The following GPSM1 variants were observed in gnomAD, a reference collection of about 807,000 sequenced individuals.
GPSM1 encodes the protein G protein signaling modulator 1, also known as G protein-signaling modulator 1.
In GPSM1, 48 loss-of-function variants were observed where a neutral mutation model predicts 70.5. That is an observed-to-expected ratio of 0.68 (90% CI 0.54 to 0.87). The LOEUF (loss-of-function observed/expected upper bound fraction) is 0.87, where lower values mean the gene tolerates loss of function less well. Ranked by LOEUF, GPSM1 falls within the 40% of genes least tolerant of loss-of-function variation. GPSM1 has a pLI of 0.00. For synonymous variants in GPSM1, 416 were observed against 430.1 expected, an observed-to-expected ratio of 0.97 and a Z score of 0.41; for missense variants, 981 against 972.6, an observed-to-expected ratio of 1.01 and a Z score of -0.11.
intron 9 of GPSM1, among the ~76,000 whole-genome samples, chr9:136,345,691 G>A (rs1832506326): frequency 6.6e-6 from 1 of 152,220 alleles, no homozygotes; most frequent in Non-Finnish European, 1.5e-5. Flanking sequence ...CAGGCCCTCA[G>A]GCAGTGCACA....
In GPSM1 at chr9:136,327,749, G is replaced by A. The variant is rs1229097895; in HGVS notation, c.54G>A (p.Arg18=). Reference sequence around the variant, plus strand: ...ACGAGCTCCCGGGCCCGGCCGCCAGGCGCCTCTACTCCAGGTAGGACGGGC... The same window carrying A: ...ACGAGCTCCCGGGCCCGGCCGCCAGACGCCTCTACTCCAGGTAGGACGGGC... ...AADELPGPAA[R]RLYSRMEASC... Residue 18 remains arginine, a synonymous_variant, in exon 1 of 14, where the codon AGG becomes AGA. Transcript: ENST00000440944. 1 of 1,192,094 alleles carries A rather than the reference G, an allele frequency of 8.4e-7. No homozygotes were observed. Among genetic ancestry groups the A allele is most frequent in the Non-Finnish European group, 1.0e-6 (1 of 961,802 alleles). 73.8% of individuals were successfully genotyped at this position (1,192,094 alleles called of 1,614,324 possible).
At position 136,329,649 on chromosome 9, in the gene GPSM1, A is replaced by G. The variant is rs182002187; in HGVS notation, c.68+1886A>G. Among the ~76,000 whole-genome samples, 183 of 152,286 alleles carry G rather than the reference A, an allele frequency of 1.2e-3. 2 individuals carry two copies. The highest frequency in any genetic ancestry group is 8.6e-3 in the Admixed American group (132 of 15,304). On this transcript the variant is annotated intron_variant, in intron 1 of 13. Coordinates refer to ENST00000440944, the MANE Select transcript of GPSM1 (RefSeq NM_001145638.3). ...GCCCAAGGTCTCCTCTGCCCCGTCT[A>G]CTGCCTTCCCACACTGACATTCCTT...
Position 136,340,220 on chromosome 9 carries a change from G to A in GPSM1, c.1083+405G>A, listed in dbSNP as rs1332720401. Among the ~76,000 whole-genome samples, 15 of 152,268 alleles carry A rather than the reference G, an allele frequency of 9.9e-5. 1 individual carries two copies. In the South Asian group the frequency reaches 1.0e-3, roughly 11 times the overall value. On this transcript the variant is annotated intron_variant, in intron 8 of 13. Coordinates refer to ENST00000440944, the MANE Select transcript of GPSM1 (RefSeq NM_001145638.3). The surrounding 1 kb of genome is among the most constrained non-coding windows in gnomAD (Gnocchi z 7.3). ...CCCCGAGCCTGTTCATGCTAAAGAC[G>A]GTGCCAGCCCCTACTGACCACCATA...
intron 13 of GPSM1, among the ~76,000 whole-genome samples, chr9:136,357,350 C>G (rs965267350): frequency 6.6e-6 from 1 of 152,204 alleles, no homozygotes; most frequent in Non-Finnish European, 1.5e-5. Flanking sequence ...AACCTCGGCC[C>G]GGGGCCAGGC....
chr9:136,328,586 C>T (rs1046443962), intron 1 of GPSM1, among the ~76,000 whole-genome samples: 7 of 152,196 alleles, frequency 4.6e-5, no homozygotes, highest in African/African-American at 9.6e-5. Context: ...CAGCTGATCC[C>T]GGGGGGCGCC....
In GPSM1 at chr9:136,349,492, T is replaced by C. The variant is rs1832604192; in HGVS notation, c.1279-95T>C. 6 of 1,149,022 alleles carry C rather than the reference T, an allele frequency of 5.2e-6. No homozygotes were observed. The Admixed American group carries it at 1.3e-4, about 24-fold the overall frequency. 71.2% of individuals were successfully genotyped at this position (1,149,022 alleles called of 1,614,324 possible). On this transcript the variant is annotated intron_variant, in intron 10 of 13. Coordinates refer to ENST00000440944, the MANE Select transcript of GPSM1 (RefSeq NM_001145638.3). ...ACTGGGCACCTACGGCGTGCATCCA[T>C]GAAATGGAGGCGGCCTGGCCTTCCC...
rs1188330712 is a variant in GPSM1, at chr9:136,327,772, G to GGCCGGT, written c.68+14_68+15insTGCCGG. 6 of 969,976 alleles carry GGCCGGT rather than the reference G, an allele frequency of 6.2e-6. No homozygotes were observed. In the African/African-American group the frequency reaches 6.8e-5, roughly 11 times the overall value. 60.1% of individuals were successfully genotyped at this position (969,976 alleles called of 1,614,324 possible). ...AGGCGCCTCTACTCCAGGTAGGACG[G>GGCCGGT]GCCGGGGCCGGGGCCGGGGCCGGGG... On this transcript the variant is annotated intron_variant, in intron 1 of 13. Transcript: ENST00000440944.
At chr9:136,334,800 T>G (rs1173080929) in intron 2 of GPSM1, 132 bp downstream of exon 2, 1 of 713,028 alleles carries the variant, frequency 1.4e-6, no homozygotes, top group Non-Finnish European at 2.3e-6. Context: ...TGCTGGTGGG[T>G]GAGTGGGGAT....
chr9:136,358,269 G>C lies in GPSM1; in HGVS notation c.*49G>C. The C allele has an allele frequency of 6.9e-7, 1 of 1,444,154 alleles. No homozygotes were observed. The highest frequency in any genetic ancestry group is 9.4e-7 in the Non-Finnish European group (1 of 1,067,050). 89.5% of individuals were successfully genotyped at this position (1,444,154 alleles called of 1,614,324 possible). On this transcript the variant is annotated 3_prime_UTR_variant, in exon 14 of 14. Coordinates refer to ENST00000440944, the MANE Select transcript of GPSM1 (RefSeq NM_001145638.3). ...CACCCTGCCCCCACTCCTGGACGCCGGTCTCACAGTCACAGCCACGTCCTC... is the reference window on the plus strand; with the variant it reads ...CACCCTGCCCCCACTCCTGGACGCCCGTCTCACAGTCACAGCCACGTCCTC...
intron 13 of GPSM1, among the ~76,000 whole-genome samples, chr9:136,356,915 C>G (rs1393344765): frequency 6.6e-6 from 1 of 152,176 alleles, no homozygotes; most frequent in Non-Finnish European, 1.5e-5. Context: ...GCAGGGAAAA[C>G]ACGGGCCAGA....
intron 9 of GPSM1, among the ~76,000 whole-genome samples, chr9:136,347,061 G>A (rs1554771374): frequency 1.3e-5 from 2 of 152,124 alleles, no homozygotes; most frequent in African/African-American, 4.8e-5. Flanking sequence ...CAGGGTAAGG[G>A]GGTGTCTGGG....
At position 136,343,033 on chromosome 9, in the gene GPSM1, T is replaced by C. The variant is rs1218483555; in HGVS notation, c.1207+2040T>C. Among the ~76,000 whole-genome samples the C allele has an allele frequency of 2.0e-5, 3 of 152,094 alleles. No homozygotes were observed. Among genetic ancestry groups the C allele is most frequent in the Non-Finnish European group, 4.4e-5 (3 of 67,988 alleles). Reference sequence around the variant, plus strand: ...ACGTGCGGCTGGAGGACAAAGAGCCTTGGCGCGGCTCAGTCAGCGTATTAA... The same window carrying C: ...ACGTGCGGCTGGAGGACAAAGAGCCCTGGCGCGGCTCAGTCAGCGTATTAA... On this transcript the variant is annotated intron_variant, in intron 9 of 13. Coordinates refer to ENST00000440944, the MANE Select transcript of GPSM1 (RefSeq NM_001145638.3). This position sits in a 1 kb window ranked among gnomAD's most constrained non-coding sequence, Gnocchi z 6.0.
At position 136,340,591 on chromosome 9, in the gene GPSM1, G is replaced by C. The variant is rs573751314; in HGVS notation, c.1084-279G>C. On this transcript the variant is annotated intron_variant, in intron 8 of 13. Transcript: ENST00000440944. The surrounding 1 kb of genome is among the most constrained non-coding windows in gnomAD (Gnocchi z 7.3). ...GGCGGGGCCGGGCCCCTCGCGCACC[G>C]GAGGGCACAGGCCCAACCGCCTGGG... 3.3e-5 allele frequency among the ~76,000 whole-genome samples: 5 copies of C among 152,182 alleles called. No homozygotes were observed. Among genetic ancestry groups the C allele is most frequent in the African/African-American group, 1.2e-4 (5 of 41,530 alleles).
At position 136,341,117 on chromosome 9, in the gene GPSM1, C is replaced by T. The variant is rs549138567; in HGVS notation, c.1207+124C>T. On this transcript the variant is annotated intron_variant, in intron 9 of 13. Coordinates refer to ENST00000440944, the MANE Select transcript of GPSM1 (RefSeq NM_001145638.3). This position sits in a 1 kb window ranked among gnomAD's most constrained non-coding sequence, Gnocchi z 6.7. ...GGTGGCAGCCGCCAGAAAATGGCGC[C>T]TACAAGCCAGTTCTTCTTGGCCTCA... 4.8e-5 allele frequency: 75 copies of T among 1,550,102 alleles called. No individual in the cohort carries two copies. In the African/African-American group the frequency reaches 8.7e-4, roughly 18 times the overall value.
chr9:136,352,809 C>T (rs1832707541), intron 11 of GPSM1, among the ~76,000 whole-genome samples: 2 of 152,372 alleles, frequency 1.3e-5, no homozygotes, highest in South Asian at 4.1e-4. Context: ...GCTGTCTGCC[C>T]ACACAGCCCT....
At chr9:136,357,272 CCGCTTGGCCCACCACGAACCAAGCCAGCA>C (rs1832857144) in intron 13 of GPSM1, among the ~76,000 whole-genome samples, 1 of 152,170 alleles carries the variant, frequency 6.6e-6, no homozygotes, top group African/African-American at 2.4e-5. Context: ...GGGGTGGAGG[CCGCTTGGCCCACCACGAACCAAGCCAGCA>C]CGTTTCCAGG....
chr9:136,334,439 C>CTG lies in GPSM1; in HGVS notation c.69-7_69-6dup. 6.2e-7 allele frequency: 1 copy of CTG among 1,608,432 alleles called. No individual in the cohort carries two copies. Among genetic ancestry groups the CTG allele is most frequent in the Non-Finnish European group, 8.5e-7 (1 of 1,177,554 alleles). The stretch of plus-strand genomic sequence containing the variant: ...GGCTGGGCCATGACGCCAAGTTCCT[C>CTG]TGCACAGGATGGAGGCGTCCTGCCT... On this transcript the variant is annotated splice_region_variant and splice_polypyrimidine_tract_variant and intron_variant, in intron 1 of 13. Transcript: ENST00000440944.
At chr9:136,335,113 C>G (rs1360867946) in intron 2 of GPSM1, among the ~76,000 whole-genome samples, 1 of 152,170 alleles carries the variant, frequency 6.6e-6, no homozygotes, top group Admixed American at 6.5e-5. Flanking sequence ...TGCGTGAGCA[C>G]TCGTGACTGT....
chr9:136,348,392 G>A (rs1253689756), intron 9 of GPSM1, among the ~76,000 whole-genome samples: 2 of 152,198 alleles, frequency 1.3e-5, no homozygotes, highest in Admixed American at 6.5e-5. Flanking sequence ...GACGGGGGAG[G>A]CCCTGTGTGC....
Sources: allele counts gnomAD v4.1 joint callset (sites outside exome capture counted in the v4.1 genomes callset), GRCh38; gene constraint gnomAD v4.1.1; non-coding constraint Gnocchi (gnomAD v3.1); transcripts MANE v1.5; gene names NCBI Gene and HGNC (gene_info 2026-07-23, HGNC 2026-07-21).